Variants in ERCC6 observed in about 807,000 individuals in gnomAD.
ERCC6 encodes ERCC excision repair 6, chromatin remodeling factor.
ERCC6 carries 116 observed loss-of-function variants against 158.7 expected under a neutral mutation model. That is an observed-to-expected ratio of 0.73 (90% CI 0.63 to 0.85). The LOEUF (loss-of-function observed/expected upper bound fraction) is 0.85, where lower values mean the gene tolerates loss of function less well. Among genes scored for constraint, ERCC6 ranks in the 40% least tolerant of loss-of-function variants. The pLI is 0.00. For synonymous variants in ERCC6, 678 were observed against 659.3 expected, an observed-to-expected ratio of 1.03 and a Z score of -0.43; for missense variants, 1,698 against 1,799.4, an observed-to-expected ratio of 0.94 and a Z score of 1.02.
Position 49,515,566 on chromosome 10 carries a change from G to T in ERCC6, c.1397+8467C>A, listed in dbSNP as rs771598094. On this transcript the variant is annotated intron_variant, in intron 5 of 20. Coordinates refer to ENST00000355832, the MANE Select transcript of ERCC6 (RefSeq NM_000124.4). ...TCCAGATAATGGCATACCACACGTC[G>T]ACGAAACTCCAGAAAATCCACTGGT... The T allele has an allele frequency of 7.6e-5, 122 of 1,614,020 alleles. 1 individual carries two copies. The South Asian group carries it at 1.3e-3, about 17-fold the overall frequency.
At chr10:49,440,693 A>C in the ERCC6 span, among the ~76,000 whole-genome samples, 2 of 152,244 alleles carry the variant, frequency 1.3e-5, no homozygotes, top group South Asian at 4.1e-4. Flanking sequence ...TGCCTTCAAA[A>C]ATGCACAAGT....
chr10:49,501,460 T>A (rs1851353684), intron 6 of ERCC6: 1 of 152,156 alleles, frequency 6.6e-6, no homozygotes, highest in African/African-American at 2.4e-5. Context: ...TAATTTAACC[T>A]TAACCCCTCC....
chr10:49,506,016 C>T lies in ERCC6; in HGVS notation c.1398-4G>A, dbSNP rs1359877639. ...CAGTCTCAGTTTATTCCATCTCCTACCATGAAAATAAAAATCACATTTCCA... is the reference window on the plus strand; with the variant it reads ...CAGTCTCAGTTTATTCCATCTCCTATCATGAAAATAAAAATCACATTTCCA... On this transcript the variant is annotated splice_polypyrimidine_tract_variant and splice_region_variant and intron_variant, in intron 5 of 20. Transcript: ENST00000355832. 1 of 1,612,752 alleles carries T rather than the reference C, an allele frequency of 6.2e-7. No individual in the cohort carries two copies. The highest frequency in any genetic ancestry group is 8.5e-7 in the Non-Finnish European group (1 of 1,179,256).
chr10:49,476,912 C>G (rs943136684), intron 11 of ERCC6, among the ~76,000 whole-genome samples: 4 of 152,138 alleles, frequency 2.6e-5, no homozygotes, highest in Admixed American at 2.6e-4. Context: ...CTACCTGGAC[C>G]CCTTTCAACC....
chr10:49,516,039 G>A (rs535278803), intron 5 of ERCC6: 3 of 1,614,122 alleles, frequency 1.9e-6, no homozygotes, highest in East Asian at 2.2e-5. Context: ...ATCAAGAAGT[G>A]CAATACTGGT....
At chr10:49,518,476 C>A (rs757101424) in intron 5 of ERCC6, among the ~76,000 whole-genome samples, 8 of 152,190 alleles carry the variant, frequency 5.3e-5, no homozygotes, top group Non-Finnish European at 1.0e-4. Flanking sequence ...AACGAATTAA[C>A]CTATATAACA....
downstream of ERCC6, among the ~76,000 whole-genome samples, chr10:49,454,081 C>T (rs1394901865): frequency 2.0e-5 from 3 of 152,148 alleles, no homozygotes; most frequent in Non-Finnish European, 4.4e-5. Context: ...TACATGCATA[C>T]TTAATGGTGC....
rs1206657390 is a variant in ERCC6, at chr10:49,515,963, T to C, written c.1397+8070A>G. 3.7e-6 allele frequency: 6 copies of C among 1,614,078 alleles called. No homozygotes were observed. The Admixed American group carries it at 1.0e-4, about 27-fold the overall frequency. ...TCTTTAAAGCTACATCTGATTCCAG[T>C]GGAACTCTGTCAATGTGATCCTTTC... On this transcript the variant is annotated intron_variant, in intron 5 of 20. Transcript: ENST00000355832.
chr10:49,510,967 G>T (rs928754793), intron 5 of ERCC6, among the ~76,000 whole-genome samples: 1 of 151,294 alleles, frequency 6.6e-6, no homozygotes, highest in African/African-American at 2.4e-5. Flanking sequence ...CCATAATGAG[G>T]GTGGCTGCAA....
In ERCC6 at chr10:49,460,363, T is replaced by C. The variant is rs377050453; in HGVS notation, c.4062+10A>G. 6.9e-6 allele frequency: 11 copies of C among 1,598,386 alleles called. No individual in the cohort carries two copies. In the African/African-American group the frequency reaches 1.3e-4, roughly 19 times the overall value. ...CTCACCCTGGAAAGCAAAAAGGTTA[T>C]CTATATTACCTGGCACTTCTCTGTT... On this transcript the variant is annotated intron_variant, in intron 20 of 20. Coordinates refer to ENST00000355832, the MANE Select transcript of ERCC6 (RefSeq NM_000124.4).
Position 49,474,139 on chromosome 10 carries a change from T to C in ERCC6, c.2486A>G (p.Glu829Gly). 13 of 1,614,152 alleles carry C rather than the reference T, an allele frequency of 8.1e-6. No homozygotes were observed. The highest frequency in any genetic ancestry group is 1.1e-5 in the Non-Finnish European group (13 of 1,180,016). Residue 829 changes from glutamate to glycine, a missense_variant, in exon 13 of 21, where the codon GAA becomes GGA. Transcript: ENST00000355832. ...LKGLPDDELE[E>G]DQFGYWKRSG... The stretch of plus-strand genomic sequence containing the variant: ...ACGTTTCCAGTACCCAAACTGATCT[T>C]CTTCTAGTTCATCATCAGGAAGACC...
At chr10:49,518,634 ACT>A (rs1411117204) in intron 5 of ERCC6, among the ~76,000 whole-genome samples, 1 of 151,738 alleles carries the variant, frequency 6.6e-6, no homozygotes, top group East Asian at 1.9e-4. Context: ...AATCCACAAG[ACT>A]CTCTTCATAA....
At chr10:49,533,364 C>T (rs1213796475) in intron 1 of ERCC6, among the ~76,000 whole-genome samples, 1 of 152,144 alleles carries the variant, frequency 6.6e-6, no homozygotes, top group Non-Finnish European at 1.5e-5. Context: ...AATATAGTGG[C>T]AAGATCAACT....
intron 4 of ERCC6, among the ~76,000 whole-genome samples, chr10:49,525,409 A>C (rs752788179): frequency 8.0e-4 from 122 of 152,194 alleles, no homozygotes; most frequent in Non-Finnish European, 1.5e-3. Flanking sequence ...CAACACAGAG[A>C]ACATTTTCAT....
At chr10:49,494,889 G>A (rs1198246728) in intron 7 of ERCC6, among the ~76,000 whole-genome samples, 1 of 152,182 alleles carries the variant, frequency 6.6e-6, no homozygotes, top group African/African-American at 2.4e-5. Flanking sequence ...AGACATCATT[G>A]AGCTGCTGAT....
chr10:49,488,484 C>G (rs770008494), intron 8 of ERCC6: 1 of 152,100 alleles, frequency 6.6e-6, no homozygotes, highest in Non-Finnish European at 1.5e-5. Context: ...TACAACATAC[C>G]TCGCAGAACA....
chr10:49,435,006 G>T, the ERCC6 span, among the ~76,000 whole-genome samples: 6 of 151,876 alleles, frequency 4.0e-5, no homozygotes, highest in African/African-American at 1.5e-4. Flanking sequence ...AAACATACTA[G>T]GCAAATATTA....
At chr10:49,478,619 G>C in intron 10 of ERCC6, 149 bp from the exon 11 acceptor site, 1 of 694,688 alleles carries the variant, frequency 1.4e-6, no homozygotes, top group Non-Finnish European at 2.6e-6. Flanking sequence ...AAAATGGTTT[G>C]AAAAAGCTAG....
intron 4 of ERCC6, 136 bp downstream of exon 4, chr10:49,528,281 A>T (rs547408241): frequency 9.7e-7 from 1 of 1,025,936 alleles, no homozygotes; most frequent in African/African-American, 1.6e-5. Context: ...AAATTTTCCT[A>T]AATCTGTTTT....
Sources: allele counts gnomAD v4.1 joint callset (sites outside exome capture counted in the v4.1 genomes callset), GRCh38; gene constraint gnomAD v4.1.1; transcripts MANE v1.5; gene names NCBI Gene and HGNC (gene_info 2026-07-23, HGNC 2026-07-21).